The following MACF1 variants were observed in gnomAD, a reference collection of about 807,000 sequenced individuals.
MACF1 encodes microtubule actin crosslinking factor 1.
MACF1 carries 193 observed loss-of-function variants against 854.8 expected under a neutral mutation model. The observed-to-expected ratio is 0.23, with a 90% CI of 0.20 to 0.25. The LOEUF (loss-of-function observed/expected upper bound fraction) is 0.25. Among genes scored for constraint, MACF1 ranks in the 10% least tolerant of loss-of-function variants. The probability of loss-of-function intolerance (pLI) is 1.00; values close to 1 mark genes in which losing one functional copy is unlikely to be tolerated. For missense variants in MACF1, 7,722 were observed against 8,929.1 expected, an observed-to-expected ratio of 0.86 and a Z score of 5.45; for synonymous variants, 3,185 against 3,226.7, an observed-to-expected ratio of 0.99 and a Z score of 0.44.
intron 2 of MACF1, among the ~76,000 whole-genome samples, chr1:39,149,737 ATATT>A (rs919649882): frequency 2.6e-5 from 4 of 151,516 alleles, no homozygotes; most frequent in African/African-American, 4.8e-5. Flanking sequence ...TCCCAGCCCG[ATATT>A]TAAAGTCCTC....
chr1:39,159,408 T>A (rs1249873393), intron 2 of MACF1, among the ~76,000 whole-genome samples: 1 of 152,182 alleles, frequency 6.6e-6, no homozygotes, highest in Non-Finnish European at 1.5e-5. Context: ...GGTTTTCCAG[T>A]TGCTTGTGTC....
chr1:39,118,637 G>A (rs1290717585), intron 2 of MACF1, among the ~76,000 whole-genome samples: 2 of 152,216 alleles, frequency 1.3e-5, no homozygotes, highest in Admixed American at 6.5e-5. Flanking sequence ...CTGGAAAGCA[G>A]TGAGGCATTG....
intron 6 of MACF1, among the ~76,000 whole-genome samples, chr1:39,273,841 C>CTT (rs1240552055): frequency 6.6e-6 from 1 of 152,164 alleles, no homozygotes; most frequent in Non-Finnish European, 1.5e-5. Context: ...CCGCCCGCCT[C>CTT]GGCTTCCCAA....
chr1:39,307,989 C>T (rs1230608644), intron 23 of MACF1, among the ~76,000 whole-genome samples: 2 of 140,802 alleles, frequency 1.4e-5, no homozygotes, highest in Non-Finnish European at 3.0e-5. Flanking sequence ...ACCGCAAGCT[C>T]TGCCTCCTGG....
chr1:39,424,484 G>C (rs1293048578), intron 61 of MACF1, among the ~76,000 whole-genome samples: 10 of 152,146 alleles, frequency 6.6e-5, no homozygotes, highest in Admixed American at 6.5e-4. Context: ...GACTCCTACA[G>C]TCCAGCCGAG....
chr1:39,136,113 T>C lies in MACF1; in HGVS notation c.220+51675T>C, dbSNP rs533531919. 7.2e-5 allele frequency among the ~76,000 whole-genome samples: 11 copies of C among 152,306 alleles called. No individual in the cohort carries two copies. In the South Asian group the frequency reaches 2.1e-3, roughly 29 times the overall value. On this transcript the variant is annotated intron_variant, in intron 2 of 93. Coordinates refer to the MACF1 transcript ENST00000361689. The stretch of plus-strand genomic sequence containing the variant: ...TTGACACTTGACACAGTAAGGGAGC[T>C]ACATGTTCTTCTCTGGGTTCCCCTC...
At chr1:39,423,478 A>G (rs1038929383) in intron 60 of MACF1, among the ~76,000 whole-genome samples, 1 of 151,912 alleles carries the variant, frequency 6.6e-6, no homozygotes, top group Non-Finnish European at 1.5e-5. Context: ...TACTAAAAAT[A>G]CAAAAAATTA....
intron 61 of MACF1, among the ~76,000 whole-genome samples, chr1:39,426,412 A>G (rs1453085228): frequency 1.3e-5 from 2 of 152,198 alleles, no homozygotes; most frequent in Non-Finnish European, 2.9e-5. Flanking sequence ...TAAGTGCATC[A>G]TATACTCCCA....
chr1:39,375,624 G>A (rs1484248608), intron 52 of MACF1, among the ~76,000 whole-genome samples: 1 of 152,184 alleles, frequency 6.6e-6, no homozygotes, highest in African/African-American at 2.4e-5. Flanking sequence ...TCTAAATTTT[G>A]TTTGGTTTCA....
chr1:39,207,282 CTT>C (rs199750797), intron 1 of MACF1, among the ~76,000 whole-genome samples: 5 of 133,238 alleles, frequency 3.8e-5, no homozygotes, highest in Non-Finnish European at 1.6e-5. Flanking sequence ...TTCTTTCTTT[CTT>C]TTTTTTTTTT....
At chr1:39,088,555 G>A (rs944434625) in intron 2 of MACF1, among the ~76,000 whole-genome samples, 3 of 152,196 alleles carry the variant, frequency 2.0e-5, no homozygotes, top group Non-Finnish European at 2.9e-5. Flanking sequence ...GAGAGACAAA[G>A]ATCTTGGAAA....
chr1:39,327,046 C>T (rs2148461738), intron 35 of MACF1, among the ~76,000 whole-genome samples, 172 bp from the exon 36 acceptor site: 1 of 152,194 alleles, frequency 6.6e-6, no homozygotes, highest in East Asian at 1.9e-4. Context: ...CATCAAGAAC[C>T]ATGACTTGAT....
At chr1:39,374,888 A>C (rs1649574973) in intron 52 of MACF1, among the ~76,000 whole-genome samples, 1 of 152,122 alleles carries the variant, frequency 6.6e-6, no homozygotes, top group Admixed American at 6.6e-5. Context: ...AGACGGGTGG[A>C]TCATGAGGTC....
intron 69 of MACF1, among the ~76,000 whole-genome samples, chr1:39,434,968 G>A (rs1027922009): frequency 6.6e-6 from 1 of 152,178 alleles, no homozygotes; most frequent in African/African-American, 2.4e-5. Flanking sequence ...TACTTAGTTA[G>A]GCACCAACTG....
In MACF1 at chr1:39,264,034, A is replaced by G. The variant is rs927601515; in HGVS notation, c.528+6006A>G. 5.3e-5 allele frequency among the ~76,000 whole-genome samples: 8 copies of G among 152,002 alleles called. No homozygotes were observed. The South Asian group carries it at 6.2e-4, about 12-fold the overall frequency. On this transcript the variant is annotated intron_variant, in intron 6 of 100. Coordinates refer to ENST00000564288, the MANE Select transcript of MACF1 (RefSeq NM_001394062.1). Reference sequence around the variant, plus strand: ...ATGATCCGCCCACCTCAGCCTCCCAAAGTACTGGGATTACAGGCATGAGCC... The same window carrying G: ...ATGATCCGCCCACCTCAGCCTCCCAGAGTACTGGGATTACAGGCATGAGCC...
intron 2 of MACF1, among the ~76,000 whole-genome samples, chr1:39,196,119 C>G (rs1205795425): frequency 2.0e-5 from 3 of 152,174 alleles, no homozygotes; most frequent in Non-Finnish European, 4.4e-5. Flanking sequence ...CATCATTTTA[C>G]AGATGAGGAA....
At chr1:39,086,959 G>A (rs559422573) in intron 2 of MACF1, among the ~76,000 whole-genome samples, 40 of 152,326 alleles carry the variant, frequency 2.6e-4, no homozygotes, top group Admixed American at 8.5e-4. Context: ...GCAGTTGGGC[G>A]TGTTTCTTTA....
At position 39,205,122 on chromosome 1, in the gene MACF1, G is replaced by T; in HGVS notation, c.100G>T (p.Gly34Cys). 2.8e-6 allele frequency: 2 copies of T among 702,990 alleles called. No homozygotes were observed. The highest frequency in any genetic ancestry group is 2.6e-6 in the Non-Finnish European group (1 of 385,002). The allele number at this position is 702,990 out of a possible 1,614,324, so 43.5% of individuals were successfully genotyped here. A position where few individuals can be genotyped will look rare whatever the true frequency, so the allele number is the denominator to read the frequency against. ...TCTATACTGGAAGAGGCATGCCAGA[G>T]GTAGAGCAGGTAACTAACTGGTACC... ...GVLYWKRHAR[G>C]RADERDRVQK... The change falls in exon 1 of 101, where the codon GGT (glycine) becomes TGT (cysteine). Residue 34 changes from glycine to cysteine, a missense_variant. Transcript: ENST00000564288.
chr1:39,439,310 G>T lies in MACF1; in HGVS notation c.18257G>T (p.Trp6086Leu). 1 of 1,613,770 alleles carries T rather than the reference G, an allele frequency of 6.2e-7. No homozygotes were observed. The highest frequency in any genetic ancestry group is 8.5e-7 in the Non-Finnish European group (1 of 1,179,760). ...AAATTGGATCAAATGGTATTCTTCT[G>T]GGAGGACATCAAAGCTCGGGCTGAA... ...QDKLDQMVFF[W>L]EDIKARAEER... Residue 6086 changes from tryptophan (W) to leucine (L), a missense_variant, in exon 72 of 101, where the codon TGG becomes TTG. Physicochemically the swap from Trp to Leu is moderately conservative, Grantham distance 61. Around this residue, in one of 15 missense-constraint regions of MACF1, gnomAD observed 2,807 missense variants for 3,235.8 expected, o/e 0.87. Coordinates refer to ENST00000564288, the MANE Select transcript of MACF1 (RefSeq NM_001394062.1).
Sources: gnomAD v4.1 joint callset for allele counts (sites outside exome capture counted in the v4.1 genomes callset) on GRCh38, gnomAD v4.1.1 for gene constraint, gnomAD v4.1.1 regional missense constraint, MANE v1.5 for transcripts, NCBI Gene and HGNC (gene_info 2026-07-23, HGNC 2026-07-21) for gene names.